The following JAKMIP2 variants were observed in gnomAD, a reference collection of about 807,000 sequenced individuals.
JAKMIP2 encodes janus kinase and microtubule interacting protein 2, also known as janus kinase and microtubule-interacting protein 2.
A neutral mutation model predicts 115.0 loss-of-function variants in JAKMIP2; 25 were observed. The ratio of observed to expected loss-of-function variants is 0.22; its 90% confidence interval spans 0.16 to 0.30. JAKMIP2 has a LOEUF of 0.30. JAKMIP2 is among the 10% of genes least tolerant of loss of function. The pLI, the probability that JAKMIP2 is intolerant of heterozygous loss-of-function variation, is 1.00. For synonymous variants in JAKMIP2, 334 were observed against 343.6 expected (o/e 0.97, Z 0.31); for missense variants, 642 against 957.6 (o/e 0.67, Z 4.35).
At position 147,712,596 on chromosome 5, in the gene JAKMIP2, G is replaced by A. The variant is rs78498067; in HGVS notation, c.-148-40642C>T. On this transcript the variant is annotated intron_variant, in intron 1 of 21. Transcript: ENST00000616793. ...CGGAGGGCTGCATTCTCATCTCTTCGTGTGGCTTTCACACATTATAAAATT... is the reference window on the plus strand; with the variant it reads ...CGGAGGGCTGCATTCTCATCTCTTCATGTGGCTTTCACACATTATAAAATT... Among the ~76,000 whole-genome samples, 1,358 of 152,104 alleles carry A rather than the reference G, an allele frequency of 8.9e-3. 13 individuals are homozygous for A. Among genetic ancestry groups the A allele is most frequent in the African/African-American group, 0.031 (1,287 of 41,500 alleles).
At chr5:147,624,058 C>T (rs187284420) in intron 16 of JAKMIP2, among the ~76,000 whole-genome samples, 50 of 152,124 alleles carry the variant, frequency 3.3e-4, no homozygotes, top group African/African-American at 1.2e-3. Context: ...TGGTCTTGAA[C>T]TCTTGACCTC....
At position 147,586,947 on chromosome 5, in the gene JAKMIP2, G is replaced by A. The variant is rs1245923332; in HGVS notation, c.*4760C>T. 1.3e-5 allele frequency: 2 copies of A among 152,034 alleles called. No individual in the cohort carries two copies. Among genetic ancestry groups the A allele is most frequent in the East Asian group, 1.9e-4 (1 of 5,192 alleles). 9.4% of individuals were successfully genotyped at this position (152,034 alleles called of 1,614,324 possible). ...GAACTAAACCGCCAAACTAATGACA[G>A]CAAAGGATTGTGAATCTGCCCTGCC... On this transcript the variant is annotated 3_prime_UTR_variant, in exon 22 of 22. Coordinates refer to ENST00000616793, the MANE Select transcript of JAKMIP2 (RefSeq NM_001270941.2).
intron 21 of JAKMIP2, among the ~76,000 whole-genome samples, chr5:147,597,310 T>C (rs1581260569): frequency 6.6e-6 from 1 of 152,198 alleles, no homozygotes; most frequent in Admixed American, 6.5e-5. Flanking sequence ...TTTTCTTAAG[T>C]TTTTTTCCAT....
chr5:147,702,859 T>C (rs141281621), intron 1 of JAKMIP2, among the ~76,000 whole-genome samples: 139 of 152,238 alleles, frequency 9.1e-4, no homozygotes, highest in Non-Finnish European at 6.9e-4. Flanking sequence ...AGTTGTGTTT[T>C]GGCAAACTGC....
chr5:147,622,326 CA>C (rs1372637167), intron 17 of JAKMIP2, among the ~76,000 whole-genome samples: 1 of 152,114 alleles, frequency 6.6e-6, no homozygotes, highest in Non-Finnish European at 1.5e-5. Flanking sequence ...TTCAGTAGTA[CA>C]AAGTATATTC....
intron 3 of JAKMIP2, among the ~76,000 whole-genome samples, chr5:147,659,403 C>T (rs533448457): frequency 6.6e-6 from 1 of 152,170 alleles, no homozygotes; most frequent in South Asian, 2.1e-4. Context: ...CTGGATACCT[C>T]GATTGGAAAA....
Position 147,644,974 on chromosome 5 carries a change from T to C in JAKMIP2, c.959A>G (p.Glu320Gly). Reference protein sequence around the residue: ...NELLKRVRETEKQCKPLLERN... With the variant: ...NELLKRVRETGKQCKPLLERN... ...TTCCAGGAGAGGTTTACATTGCTTT[T>C]CGGTTTCCCGCACACGTTTTAACTG... Residue 320 changes from glutamate (E) to glycine (G), a missense_variant, in exon 6 of 22, where the codon GAA becomes GGA. Physicochemically the swap from Glu to Gly is moderately conservative, Grantham distance 98 (BLOSUM62 -2). This residue lies in a region of JAKMIP2 where 439 missense variants were observed against 570.9 expected (regional missense o/e 0.77). Coordinates refer to ENST00000616793, the MANE Select transcript of JAKMIP2 (RefSeq NM_001270941.2). 6.2e-7 allele frequency: 1 copy of C among 1,613,252 alleles called. No individual in the cohort carries two copies. Among genetic ancestry groups the C allele is most frequent in the Non-Finnish European group, 8.5e-7 (1 of 1,179,830 alleles).
At chr5:147,772,007 C>G (rs868760009) in intron 1 of JAKMIP2, among the ~76,000 whole-genome samples, 4 of 151,942 alleles carry the variant, frequency 2.6e-5, no homozygotes, top group African/African-American at 7.3e-5. Flanking sequence ...TTTGCTGGCA[C>G]AAATTACATG....
chr5:147,742,914 A>T (rs1754203983), intron 1 of JAKMIP2, among the ~76,000 whole-genome samples: 1 of 152,196 alleles, frequency 6.6e-6, no homozygotes, highest in Non-Finnish European at 1.5e-5. Flanking sequence ...GATATTTTAC[A>T]AGCCTCCTTG....
Position 147,639,701 on chromosome 5 carries a change from G to A in JAKMIP2, c.1461C>T (p.Ala487=). The part of the protein sequence containing the change: ...RFRQLTKEYQ[A]LQRAYALLQE... ...GTAGGAGGGCATATGCTCTTTGGAG[G>A]GCCTGATATTCTTTTGTTAATTGTC... is the stretch of plus-strand genomic sequence containing the variant. The change falls in exon 10 of 22, where the codon GCC becomes GCT. Residue 487 remains alanine, a synonymous_variant. Coordinates refer to ENST00000616793, the MANE Select transcript of JAKMIP2 (RefSeq NM_001270941.2). 1 of 1,613,708 alleles carries A rather than the reference G, an allele frequency of 6.2e-7. No homozygotes were observed. Among genetic ancestry groups the A allele is most frequent in the Non-Finnish European group, 8.5e-7 (1 of 1,179,824 alleles).
chr5:147,744,022 C>G (rs1429553458), intron 1 of JAKMIP2, among the ~76,000 whole-genome samples: 1 of 138,456 alleles, frequency 7.2e-6, no homozygotes, highest in African/African-American at 2.9e-5. Flanking sequence ...TTCCTTCCTT[C>G]CTTCCTTCCT....
intron 17 of JAKMIP2, among the ~76,000 whole-genome samples, chr5:147,623,157 T>C (rs1325056302): frequency 2.0e-5 from 3 of 152,042 alleles, no homozygotes; most frequent in Non-Finnish European, 4.4e-5. Flanking sequence ...TCAAGCACAC[T>C]TCCTGCCTTA....
intron 12 of JAKMIP2, among the ~76,000 whole-genome samples, chr5:147,634,322 T>A (rs1191002301): frequency 1.3e-5 from 2 of 152,168 alleles, no homozygotes; most frequent in African/African-American, 2.4e-5. Context: ...GGATTTTTTT[T>A]ATGATAAAGA....
intron 2 of JAKMIP2, among the ~76,000 whole-genome samples, chr5:147,667,103 C>A (rs1011981630): frequency 6.6e-6 from 1 of 152,004 alleles, no homozygotes; most frequent in African/African-American, 2.4e-5. Context: ...GTATTGTGTT[C>A]TCTGGCATTG....
At chr5:147,769,757 C>T (rs75713991) in intron 1 of JAKMIP2, among the ~76,000 whole-genome samples, 2,430 of 148,894 alleles carry the variant, frequency 0.016, 73 homozygotes, top group African/African-American at 0.056. Context: ...TCCTATCCTC[C>T]TTGCCTTTTC....
At chr5:147,632,848 G>T in intron 12 of JAKMIP2, 70 bp from the exon 13 acceptor site, 1 of 945,560 alleles carries the variant, frequency 1.1e-6, no homozygotes, top group Non-Finnish European at 1.7e-6. Context: ...AGCATGAATA[G>T]TGTTCAGTTT....
chr5:147,771,744 G>A (rs914995756), intron 1 of JAKMIP2, among the ~76,000 whole-genome samples: 10 of 152,020 alleles, frequency 6.6e-5, no homozygotes, highest in Non-Finnish European at 8.8e-5. Context: ...ATTGTTACAT[G>A]CATTAATATT....
chr5:147,744,061 CTCTCTT>C (rs1382191801), intron 1 of JAKMIP2, among the ~76,000 whole-genome samples: 31 of 131,528 alleles, frequency 2.4e-4, no homozygotes, highest in African/African-American at 2.5e-4. Context: ...CTTCCTTCCT[CTCTCTT>C]TCTATTTTTC....
chr5:147,673,674 G>A (rs1391694905), intron 1 of JAKMIP2, among the ~76,000 whole-genome samples: 1 of 152,146 alleles, frequency 6.6e-6, no homozygotes, highest in Non-Finnish European at 1.5e-5. Context: ...GGGCTGCGAG[G>A]TCTCTGAGAG....
Sources: gnomAD v4.1 joint callset for allele counts (sites outside exome capture counted in the v4.1 genomes callset) on GRCh38, gnomAD v4.1.1 for gene constraint, gnomAD v4.1.1 regional missense constraint, MANE v1.5 for transcripts, NCBI Gene and HGNC (gene_info 2026-07-23, HGNC 2026-07-21) for gene names.